LCOR: variants seen among roughly 807,000 people sequenced by gnomAD.
The protein encoded by LCOR is ligand-dependent corepressor.
LCOR carries 14 observed loss-of-function variants against 64.4 expected under a neutral mutation model. The observed-to-expected ratio is 0.22, with a 90% confidence interval of 0.14 to 0.34. The LOEUF is 0.34. Among genes scored for constraint, LCOR ranks in the 10% least tolerant of loss-of-function variants. The pLI, the probability that LCOR is intolerant of heterozygous loss-of-function variation, is 1.00. For missense variants in LCOR, 1,686 were observed against 1,765.3 expected, an observed-to-expected ratio of 0.96 and a Z score of 0.80; for synonymous variants, 643 against 642.5, an observed-to-expected ratio of 1.00 and a Z score of -0.01.
At chr10:96,948,834 T>G (rs1265970014) in intron 5 of LCOR, among the ~76,000 whole-genome samples, 174 bp from the exon 6 acceptor site, 1 of 152,064 alleles carries the variant, frequency 6.6e-6, no homozygotes, top group South Asian at 2.1e-4. Flanking sequence ...TAATAAAAAT[T>G]TTATTTTTAA....
At chr10:96,933,469 GGTTAA>G (rs554029983) in intron 4 of LCOR, among the ~76,000 whole-genome samples, 110 of 152,206 alleles carry the variant, frequency 7.2e-4, no homozygotes, top group Admixed American at 6.1e-3. Context: ...ACAAGTCCCT[GGTTAA>G]GTTAATATAA....
At chr10:96,957,546 T>C in intron 7 of LCOR, 1 of 985,394 alleles carries the variant, frequency 1.0e-6, no homozygotes, top group Non-Finnish European at 1.2e-6. Flanking sequence ...TTCTAAATGC[T>C]TAACCAAAAA....
chr10:96,876,215 C>T (rs543054671), intron 2 of LCOR, among the ~76,000 whole-genome samples: 1 of 152,156 alleles, frequency 6.6e-6, no homozygotes, highest in Non-Finnish European at 1.5e-5. Context: ...CTTTTTGCCT[C>T]TAATGATGGA....
At chr10:96,972,915 T>C (rs1848010473) in intron 7 of LCOR, among the ~76,000 whole-genome samples, 1 of 152,154 alleles carries the variant, frequency 6.6e-6, no homozygotes, top group African/African-American at 2.4e-5. Context: ...GCATGCCCTT[T>C]GCTTTAGATC....
intron 4 of LCOR, among the ~76,000 whole-genome samples, chr10:96,925,301 C>G (rs1179986470): frequency 6.6e-6 from 1 of 152,108 alleles, no homozygotes; most frequent in Non-Finnish European, 1.5e-5. Context: ...GTCTTGAACT[C>G]CTGATCTCAG....
In LCOR at chr10:96,984,890, A is replaced by C. The variant is rs1305039366; in HGVS notation, c.4430A>C (p.Asn1477Thr). 1.9e-6 allele frequency: 3 copies of C among 1,613,818 alleles called. No individual in the cohort carries two copies. The South Asian group carries it at 3.3e-5, about 18-fold the overall frequency. Residue 1477 changes from asparagine (N) to threonine (T), a missense_variant, in exon 8 of 8, where the codon AAT (asparagine) becomes ACT (threonine). Physicochemically the swap from Asn to Thr is moderately conservative, Grantham distance 65. Coordinates refer to ENST00000421806, the MANE Select transcript of LCOR (RefSeq NM_001346516.2). ...SCPPSRKEKE[N>T]TNKRPSQSIA... ...CCTCCCTCCAGGAAAGAAAAAGAGA[A>C]TACAAACAAAAGGCCTTCCCAGTCT...
intron 2 of LCOR, among the ~76,000 whole-genome samples, chr10:96,896,042 A>G (rs1225516805): frequency 6.6e-6 from 1 of 152,136 alleles, no homozygotes; most frequent in African/African-American, 2.4e-5. Flanking sequence ...TGATTGTGCC[A>G]TTACAACCCA....
intron 7 of LCOR, chr10:96,958,906 T>TAAAAAAAAAAAAAAAAA (rs74784568): frequency 3.9e-5 from 4 of 103,886 alleles, no homozygotes; most frequent in Admixed American, 1.0e-4. Flanking sequence ...AAGAAAAACT[T>TAAAAAAAAAAAAAAAAA]AAAAAAAAAA....
In LCOR at chr10:96,943,086, A is replaced by G. The variant is rs553003178; in HGVS notation, c.-183-1027A>G. On this transcript the variant is annotated intron_variant, in intron 4 of 7. Coordinates refer to ENST00000421806, the MANE Select transcript of LCOR (RefSeq NM_001346516.2). ...ATATTGGAACTTTTTGGTCAGAGAA[A>G]CTTTCTGACCTACTTTTTTTTGTTT... is the stretch of plus-strand genomic sequence containing the variant. Among the ~76,000 whole-genome samples the G allele has an allele frequency of 5.7e-5, 7 of 122,092 alleles. No individual in the cohort carries two copies. In the East Asian group the frequency reaches 1.8e-3, roughly 31 times the overall value. The allele number at this position is 122,092 out of a possible 152,430, so 80.1% of individuals were successfully genotyped here.
At chr10:96,835,351 A>G (rs959348404) in intron 2 of LCOR, among the ~76,000 whole-genome samples, 2 of 152,232 alleles carry the variant, frequency 1.3e-5, no homozygotes, top group Non-Finnish European at 2.9e-5. Flanking sequence ...TTTCCACTTT[A>G]AAGATAGTAA....
intron 4 of LCOR, among the ~76,000 whole-genome samples, chr10:96,922,973 T>C (rs974334537): frequency 6.6e-6 from 1 of 152,262 alleles, no homozygotes; most frequent in Non-Finnish European, 1.5e-5. Context: ...CAGTCAGTGG[T>C]AACGTTGACA....
chr10:96,895,427 C>A (rs1461528791), intron 2 of LCOR, among the ~76,000 whole-genome samples: 1 of 152,188 alleles, frequency 6.6e-6, no homozygotes, highest in Non-Finnish European at 1.5e-5. Context: ...ATTGCTACCC[C>A]TATCTCTTGC....
intron 7 of LCOR, chr10:96,960,506 A>G (rs1847862741): frequency 6.6e-6 from 1 of 152,130 alleles, no homozygotes; most frequent in Non-Finnish European, 1.5e-5. Context: ...TCTTTTCTGT[A>G]TATTCAGGTT....
intron 2 of LCOR, among the ~76,000 whole-genome samples, chr10:96,854,450 C>G (rs1345612360): frequency 2.0e-5 from 3 of 152,088 alleles, no homozygotes; most frequent in Admixed American, 6.6e-5. Flanking sequence ...CCTCAGCCTC[C>G]CGAGTAGCTG....
chr10:96,912,866 G>A (rs1846868600), intron 4 of LCOR, among the ~76,000 whole-genome samples: 1 of 151,576 alleles, frequency 6.6e-6, no homozygotes, highest in African/African-American at 2.4e-5. Context: ...TCTACTGTAA[G>A]GAAGAACTTC....
chr10:96,913,355 T>C (rs1448646149), intron 4 of LCOR, among the ~76,000 whole-genome samples: 1 of 152,126 alleles, frequency 6.6e-6, no homozygotes, highest in African/African-American at 2.4e-5. Context: ...GCTAATCCAG[T>C]AGTAGTGAGA....
At chr10:96,914,490 C>T (rs1846903586) in intron 4 of LCOR, among the ~76,000 whole-genome samples, 1 of 152,270 alleles carries the variant, frequency 6.6e-6, no homozygotes, top group Admixed American at 6.5e-5. Context: ...AGCCACCGCG[C>T]CTGGCCTTTA....
chr10:96,937,811 C>A (rs559092021), intron 4 of LCOR, among the ~76,000 whole-genome samples: 1 of 152,100 alleles, frequency 6.6e-6, no homozygotes, highest in Non-Finnish European at 1.5e-5. Flanking sequence ...CAGACAAATA[C>A]CATTTATGAG....
rs375899858 is a variant in LCOR, at chr10:96,923,568, A to AC, written c.-184+15824dup. ...AGCATCCTCCTCCTTTAATCTTATCACCCAAAACACATCTAAACTCACAAG... is the reference window on the plus strand; with the variant it reads ...AGCATCCTCCTCCTTTAATCTTATCACCCCAAAACACATCTAAACTCACAAG... On this transcript the variant is annotated intron_variant, in intron 4 of 7. Coordinates refer to ENST00000421806, the MANE Select transcript of LCOR (RefSeq NM_001346516.2). 1.1e-4 allele frequency among the ~76,000 whole-genome samples: 17 copies of AC among 152,304 alleles called. 1 individual carries two copies. In the East Asian group the frequency reaches 3.3e-3, roughly 29 times the overall value.
Sources: gnomAD v4.1 joint callset for allele counts (sites outside exome capture counted in the v4.1 genomes callset) on GRCh38, gnomAD v4.1.1 for gene constraint, MANE v1.5 for transcripts, NCBI Gene and HGNC (gene_info 2026-07-23, HGNC 2026-07-21) for gene names.